ALDH1L2: variants seen among roughly 807,000 people sequenced by gnomAD.
The protein encoded by ALDH1L2 is aldehyde dehydrogenase 1 family member L2.
ALDH1L2 carries 91 observed loss-of-function variants against 111.0 expected under a neutral mutation model. That is an observed-to-expected ratio of 0.82 (90% CI 0.69 to 0.98). ALDH1L2 has a LOEUF of 0.98. Ranked by LOEUF, ALDH1L2 falls within the 50% of genes least tolerant of loss-of-function variation. ALDH1L2 has a pLI of 0.00. For missense variants in ALDH1L2, 995 were observed against 1,126.8 expected, an observed-to-expected ratio of 0.88 and a Z score of 1.67; for synonymous variants, 374 against 392.6, an observed-to-expected ratio of 0.95 and a Z score of 0.56.
Position 105,068,814 on chromosome 12 carries a change from G to A in ALDH1L2, c.499C>T (p.Pro167Ser). ...TCACATGATCTCTGAAGAAGGATGG[G>A]TCCTGTATCCAAGCCATCATCAGCC... Reference protein sequence around the residue: ...FWADDGLDTGPILLQRSCDVE... With the variant: ...FWADDGLDTGSILLQRSCDVE... The change falls in exon 4 of 23, where the codon CCC becomes TCC. Residue 167 changes from proline (P) to serine (S), a missense_variant. Physicochemically the swap from Pro to Ser is moderately conservative, Grantham distance 74. Coordinates refer to ENST00000258494, the MANE Select transcript of ALDH1L2 (RefSeq NM_001034173.4). The A allele has an allele frequency of 6.2e-7, 1 of 1,608,518 alleles. No homozygotes were observed. The highest frequency in any genetic ancestry group is 1.3e-5 in the African/African-American group (1 of 74,766).
Position 105,021,512 on chromosome 12 carries a change from A to AG in ALDH1L2, c.*2911dup, listed in dbSNP as rs1482291668. ...GGCATGACAATCGCTTGAACCCAAGAGGCAGAGGTTGCAGTGAGCCAAGAT... is the reference window on the plus strand; with the variant it reads ...GGCATGACAATCGCTTGAACCCAAGAGGGCAGAGGTTGCAGTGAGCCAAGAT... On this transcript the variant is annotated 3_prime_UTR_variant, in exon 23 of 23. Transcript: ENST00000258494. 2.0e-5 allele frequency: 3 copies of AG among 151,852 alleles called. No homozygotes were observed. The highest frequency in any genetic ancestry group is 4.8e-5 in the African/African-American group (2 of 41,294). 9.4% of individuals were successfully genotyped at this position (151,852 alleles called of 1,614,324 possible). A position where few individuals can be genotyped will look rare whatever the true frequency, so the allele number is the denominator to read the frequency against.
Position 105,024,200 on chromosome 12 carries a change from A to G in ALDH1L2, c.*224T>C. ...GGTATTTTAGAAATACGTATGATATACAACATAGTCAAAATGCAACAACTC... is the reference window on the plus strand; with the variant it reads ...GGTATTTTAGAAATACGTATGATATGCAACATAGTCAAAATGCAACAACTC... On this transcript the variant is annotated 3_prime_UTR_variant, in exon 23 of 23. Transcript: ENST00000258494. 1 of 596,970 alleles carries G rather than the reference A, an allele frequency of 1.7e-6. No individual in the cohort carries two copies. Among genetic ancestry groups the G allele is most frequent in the Non-Finnish European group, 3.0e-6 (1 of 335,214 alleles). The allele number at this position is 596,970 out of a possible 1,614,324, so 37.0% of individuals were successfully genotyped here. A position where few individuals can be genotyped will look rare whatever the true frequency, so the allele number is the denominator to read the frequency against.
intron 22 of ALDH1L2, 67 bp downstream of exon 22, chr12:105,026,478 A>G: frequency 1.3e-6 from 2 of 1,574,948 alleles, no homozygotes; most frequent in Admixed American, 3.4e-5. Context: ...CAAGTCATGA[A>G]ACATAGAGCA....
At chr12:105,042,287 A>C (rs963968691) in intron 15 of ALDH1L2, among the ~76,000 whole-genome samples, 10 of 152,252 alleles carry the variant, frequency 6.6e-5, no homozygotes, top group Non-Finnish European at 1.3e-4. Context: ...CCCATTATCC[A>C]CAATACATTT....
At position 105,022,713 on chromosome 12, in the gene ALDH1L2, G is replaced by C. The variant is rs1173589711; in HGVS notation, c.*1711C>G. Reference sequence around the variant, plus strand: ...TAAATGAGCTATAGTATAATCAAAAGTGCTTCCAGGCCAAATTCGCTCTGT... The same window carrying C: ...TAAATGAGCTATAGTATAATCAAAACTGCTTCCAGGCCAAATTCGCTCTGT... On this transcript the variant is annotated 3_prime_UTR_variant, in exon 23 of 23. Coordinates refer to ENST00000258494, the MANE Select transcript of ALDH1L2 (RefSeq NM_001034173.4). The C allele has an allele frequency of 6.6e-6, 1 of 152,152 alleles. No homozygotes were observed. Among genetic ancestry groups the C allele is most frequent in the East Asian group, 1.9e-4 (1 of 5,200 alleles). 9.4% of individuals were successfully genotyped at this position (152,152 alleles called of 1,614,324 possible).
intron 13 of ALDH1L2, chr12:105,048,219 A>G (rs1048650791): frequency 9.9e-5 from 15 of 152,238 alleles, no homozygotes; most frequent in Non-Finnish European, 1.6e-4. Context: ...CATAACTTGC[A>G]AAGTATGTAT....
intron 2 of ALDH1L2, 106 bp downstream of exon 2, chr12:105,073,755 G>A (rs779722294): frequency 9.3e-5 from 135 of 1,454,268 alleles, no homozygotes; most frequent in Middle Eastern, 2.5e-4. Flanking sequence ...CTGGAATGGC[G>A]CTGTGATAGT....
At chr12:105,046,215 ATATATATTTTTTTTTTT>A (rs1476095534) in intron 15 of ALDH1L2, among the ~76,000 whole-genome samples, 4 of 37,718 alleles carry the variant, frequency 1.1e-4, no homozygotes, top group African/African-American at 4.8e-4. Context: ...ATATATATAT[ATATATATTTTTTTTTTT>A]TTTTTTTTTT....
At chr12:105,066,527 C>T (rs775056302) in intron 5 of ALDH1L2, 41 bp downstream of exon 5, 28 of 1,565,980 alleles carry the variant, frequency 1.8e-5, no homozygotes, top group Non-Finnish European at 2.5e-5. Context: ...GGTAGAGGGC[C>T]ATGAACTCTG....
At chr12:105,030,745 C>A (rs111390789) in intron 20 of ALDH1L2, among the ~76,000 whole-genome samples, 4 of 152,234 alleles carry the variant, frequency 2.6e-5, no homozygotes, top group African/African-American at 9.6e-5. Context: ...AATTTTAACA[C>A]CTCAGTATTT....
At chr12:105,028,640 T>C (rs948999039) in intron 21 of ALDH1L2, among the ~76,000 whole-genome samples, 1 of 152,228 alleles carries the variant, frequency 6.6e-6, no homozygotes, top group African/African-American at 2.4e-5. Flanking sequence ...CACTTCTTGA[T>C]GCATTGCATA....
chr12:105,061,221 G>A (rs1592794170), intron 8 of ALDH1L2, 149 bp from the exon 9 acceptor site: 2 of 715,026 alleles, frequency 2.8e-6, no homozygotes, highest in East Asian at 5.5e-5. Context: ...GCCTCTCCAA[G>A]TTAGATGCAA....
At chr12:105,059,865 A>T (rs1202315289) in intron 9 of ALDH1L2, among the ~76,000 whole-genome samples, 2 of 152,216 alleles carry the variant, frequency 1.3e-5, no homozygotes, top group Admixed American at 1.3e-4. Context: ...TATGGCCACA[A>T]TGTGGCCTAG....
At chr12:105,040,068 G>A (rs1875429814) in intron 16 of ALDH1L2, among the ~76,000 whole-genome samples, 1 of 144,492 alleles carries the variant, frequency 6.9e-6, no homozygotes, top group Non-Finnish European at 1.5e-5. Flanking sequence ...GGAGGTTGCA[G>A]TGGGCCAAGA....
Position 105,023,557 on chromosome 12 carries a change from A to G in ALDH1L2, c.*867T>C, listed in dbSNP as rs1874260724. 6.6e-6 allele frequency: 1 copy of G among 152,220 alleles called. No individual in the cohort carries two copies. Among genetic ancestry groups the G allele is most frequent in the South Asian group, 2.1e-4 (1 of 4,830 alleles). 9.4% of individuals were successfully genotyped at this position (152,220 alleles called of 1,614,324 possible). On this transcript the variant is annotated 3_prime_UTR_variant, in exon 23 of 23. Coordinates refer to ENST00000258494, the MANE Select transcript of ALDH1L2 (RefSeq NM_001034173.4). ...AGTACTTACCATGAGCAAAGCATTA[A>G]TGTGAGGTGCTTTACTTACATTACT...
chr12:105,078,091 C>A (rs764752321), intron 1 of ALDH1L2, among the ~76,000 whole-genome samples: 1 of 152,178 alleles, frequency 6.6e-6, no homozygotes, highest in Non-Finnish European at 1.5e-5. Context: ...GTAGAGGTGG[C>A]ACATTACTGG....
intron 20 of ALDH1L2, among the ~76,000 whole-genome samples, chr12:105,031,146 G>A (rs1026290843): frequency 5.3e-5 from 8 of 151,972 alleles, no homozygotes; most frequent in African/African-American, 1.9e-4. Flanking sequence ...TTTTATTGTG[G>A]TAAAATACAC....
At chr12:105,042,333 AT>A (rs1202343128) in intron 15 of ALDH1L2, among the ~76,000 whole-genome samples, 1 of 152,220 alleles carries the variant, frequency 6.6e-6, no homozygotes, top group Non-Finnish European at 1.5e-5. Context: ...AGAGAAAGTA[AT>A]TTGAGAATTG....
chr12:105,069,626 A>G (rs557187284), intron 3 of ALDH1L2, among the ~76,000 whole-genome samples: 3 of 152,366 alleles, frequency 2.0e-5, no homozygotes, highest in African/African-American at 7.2e-5. Flanking sequence ...AAGAGCCAAA[A>G]AGAAATCAAT....
Sources: gnomAD v4.1 joint callset for allele counts (sites outside exome capture counted in the v4.1 genomes callset) on GRCh38, gnomAD v4.1.1 for gene constraint, MANE v1.5 for transcripts, NCBI Gene and HGNC (gene_info 2026-07-23, HGNC 2026-07-21) for gene names.